The following BEND3 variants were observed in gnomAD, a reference collection of about 807,000 sequenced individuals.
BEND3 encodes the protein BEN domain-containing protein 3.
Under a neutral mutation model 60.1 loss-of-function variants are expected in BEND3, and 13 were observed. That is an observed-to-expected ratio of 0.22 (90% CI 0.14 to 0.34). The LOEUF (loss-of-function observed/expected upper bound fraction) is 0.34. BEND3 is among the 10% of genes least tolerant of loss of function. The pLI, the probability that BEND3 is intolerant of heterozygous loss-of-function variation, is 1.00. For missense variants in BEND3, 896 were observed against 1,138.1 expected (o/e 0.79, Z 3.06); for synonymous variants, 497 against 491.5 (o/e 1.01, Z -0.15).
chr6:107,072,999 A>G (rs782333202), intron 3 of BEND3, among the ~76,000 whole-genome samples: 9 of 151,588 alleles, frequency 5.9e-5, no homozygotes, highest in Non-Finnish European at 1.3e-4. Context: ...ATAATAATTA[A>G]TAAATTACTT....
rs200238095 is a variant in BEND3 at position 107,113,272 on chromosome 6, CTACAAA to C, written c.-12+1812_-12+1817del. Among the ~76,000 whole-genome samples the C allele has an allele frequency of 4.9e-3, 742 of 151,522 alleles. 7 individuals are homozygous for C. Among genetic ancestry groups the C allele is most frequent in the African/African-American group, 0.017 (713 of 41,262 alleles). ...GCAACATGGTGAAACTCCGTCTCTACTACAAATACAAACATTAGCAAGGCATGGTGG... is the reference window on the plus strand; with the variant it reads ...GCAACATGGTGAAACTCCGTCTCTACTACAAACATTAGCAAGGCATGGTGG... On this transcript the variant is annotated intron_variant, in intron 1 of 3. Transcript: ENST00000369042.
chr6:107,099,388 C>A, intron 1 of BEND3, 92 bp from the exon 2 acceptor site: 1 of 1,098,254 alleles, frequency 9.1e-7, no homozygotes. Flanking sequence ...ACCCTCCCAA[C>A]CCCAGCTCTA....
chr6:107,068,932 G>C lies in BEND3; in HGVS notation c.2259C>G (p.Thr753=), dbSNP rs199580122. Residue 753 remains threonine (T), a synonymous_variant, in exon 4 of 4, where the codon ACC becomes ACG. Coordinates refer to ENST00000369042, the MANE Select transcript of BEND3 (RefSeq NM_001367314.1). This position sits in a 1 kb window ranked among gnomAD's most constrained non-coding sequence, Gnocchi z 5.8. ...TGTACTGCAGCCGGAGGTTCTCGGC[G>C]GTGAAGAGTTCGGGAAACAGGCGGA... ...LLVRLFPELF[T]AENLRLQYNH... 1 of 1,613,916 alleles carries C rather than the reference G, an allele frequency of 6.2e-7. No individual in the cohort carries two copies. The highest frequency in any genetic ancestry group is 8.5e-7 in the Non-Finnish European group (1 of 1,180,024).
chr6:107,094,170 G>A (rs185898465), intron 3 of BEND3, among the ~76,000 whole-genome samples: 26 of 152,236 alleles, frequency 1.7e-4, no homozygotes, highest in Non-Finnish European at 2.8e-4. Context: ...CGAGGAGCTC[G>A]AGACCAGCCT....
At chr6:107,093,079 G>C (rs1554235460) in intron 3 of BEND3, among the ~76,000 whole-genome samples, 1 of 152,142 alleles carries the variant, frequency 6.6e-6, no homozygotes, top group African/African-American at 2.4e-5. Flanking sequence ...GATTCAGTAT[G>C]ATCCCAATCA....
chr6:107,107,979 G>A (rs1446158874), intron 1 of BEND3, among the ~76,000 whole-genome samples: 1 of 152,202 alleles, frequency 6.6e-6, no homozygotes, highest in African/African-American at 2.4e-5. Flanking sequence ...CCGGCTGGGA[G>A]CCTCAAGGGT....
At chr6:107,096,115 TA>T (rs1554235894) in intron 3 of BEND3, among the ~76,000 whole-genome samples, 3 of 152,166 alleles carry the variant, frequency 2.0e-5, no homozygotes, top group Non-Finnish European at 1.5e-5. Flanking sequence ...TGGGGGAGGT[TA>T]TAAACATGCA....
chr6:107,102,642 G>C (rs1775725165), intron 1 of BEND3, among the ~76,000 whole-genome samples: 2 of 152,190 alleles, frequency 1.3e-5, no homozygotes, highest in African/African-American at 4.8e-5. Context: ...ACACAGCATG[G>C]TGGGCCCCTT....
In BEND3 at chr6:107,070,337, G is replaced by C; in HGVS notation, c.854C>G (p.Ser285Cys). 2 of 1,612,810 alleles carry C rather than the reference G, an allele frequency of 1.2e-6. No individual in the cohort carries two copies. The highest frequency in any genetic ancestry group is 1.7e-6 in the Non-Finnish European group (2 of 1,179,916). The change falls in exon 4 of 4, where the codon TCC (serine) becomes TGC (cysteine). Residue 285 changes from serine to cysteine, a missense_variant. By Grantham distance (112) the Ser-to-Cys change is moderately radical. Transcript: ENST00000369042. This position sits in a 1 kb window ranked among gnomAD's most constrained non-coding sequence, Gnocchi z 6.9. ...FPELFSDVDF[S>C]RGCSACGFAA... ...AAAGCCACAGGCACTGCAGCCCCGGGAGAAGTCCACGTCGCTGAAGAGCTC... is the reference window on the plus strand; with the variant it reads ...AAAGCCACAGGCACTGCAGCCCCGGCAGAAGTCCACGTCGCTGAAGAGCTC...
intron 3 of BEND3, among the ~76,000 whole-genome samples, chr6:107,074,883 C>T (rs868949177): frequency 2.0e-5 from 3 of 152,002 alleles, no homozygotes; most frequent in Non-Finnish European, 2.9e-5. Flanking sequence ...GAGTGGATCA[C>T]GAGGTCAGGA....
intron 3 of BEND3, among the ~76,000 whole-genome samples, chr6:107,080,266 G>T (rs1204563883): frequency 2.8e-5 from 4 of 144,596 alleles, no homozygotes; most frequent in African/African-American, 5.1e-5. Context: ...GAGGTGAGGG[G>T]ATTGCTTAAG....
chr6:107,083,854 C>T (rs572636865), intron 3 of BEND3, among the ~76,000 whole-genome samples: 35 of 151,924 alleles, frequency 2.3e-4, no homozygotes, highest in African/African-American at 7.5e-4. Flanking sequence ...TCTGGGAGGC[C>T]GAGGTGGGAG....
chr6:107,112,491 G>A (rs1369979691), intron 1 of BEND3, among the ~76,000 whole-genome samples: 4 of 152,092 alleles, frequency 2.6e-5, no homozygotes, highest in Non-Finnish European at 4.4e-5. Context: ...GAAGGTAGGC[G>A]GAATCACATA....
Position 107,069,154 on chromosome 6 carries a change from C to A in BEND3, c.2037G>T (p.Arg679Ser). The A allele has an allele frequency of 6.2e-7, 1 of 1,612,668 alleles. No homozygotes were observed. The highest frequency in any genetic ancestry group is 8.5e-7 in the Non-Finnish European group (1 of 1,180,018). ...GGGGCCCCTCAAACTCCTCCCGGAA[C>A]CTCTCGGGGTTGATTGCATAGCTGG... ...DLTSYAINPERFREEFEGPPL... is the reference protein window; with the variant it reads ...DLTSYAINPESFREEFEGPPL... The change falls in exon 4 of 4, where the codon AGG becomes AGT. Residue 679 changes from arginine to serine, a missense_variant. Coordinates refer to ENST00000369042, the MANE Select transcript of BEND3 (RefSeq NM_001367314.1).
At chr6:107,106,499 CTG>C (rs1460230804) in intron 1 of BEND3, among the ~76,000 whole-genome samples, 1 of 152,186 alleles carries the variant, frequency 6.6e-6, no homozygotes, top group Non-Finnish European at 1.5e-5. Context: ...ATGGGCCAGT[CTG>C]TGACCAAGGC....
chr6:107,070,169 G>C lies in BEND3; in HGVS notation c.1022C>G (p.Ala341Gly). ...CTGGCTGTCCTCCATTTCCCGCTGG[G>C]CCCAGAAGCGGCTGAAGAAGTCGTT... ...QLNDFFSRFW[A>G]QREMEDSQPS... is the part of the protein sequence containing the mutation. The change falls in exon 4 of 4, where the codon GCC (alanine) becomes GGC (glycine). Residue 341 changes from alanine (A) to glycine (G), a missense_variant. Around this residue, in one of 4 missense-constraint regions of BEND3, gnomAD observed 846 missense variants for 1,036.7 expected, o/e 0.82. Transcript: ENST00000369042. The surrounding 1 kb of genome is among the most constrained non-coding windows in gnomAD (Gnocchi z 6.9). The C allele has an allele frequency of 6.2e-7, 1 of 1,612,920 alleles. No homozygotes were observed. Among genetic ancestry groups the C allele is most frequent in the Non-Finnish European group, 8.5e-7 (1 of 1,179,918 alleles).
intron 3 of BEND3, among the ~76,000 whole-genome samples, chr6:107,072,707 G>A (rs1775008763): frequency 1.3e-5 from 2 of 152,198 alleles, no homozygotes; most frequent in South Asian, 2.1e-4. Context: ...ATGAACGGCT[G>A]GGCGTGGTGG....
intron 3 of BEND3, among the ~76,000 whole-genome samples, chr6:107,090,829 G>A (rs1775460404): frequency 6.6e-6 from 1 of 151,996 alleles, no homozygotes; most frequent in African/African-American, 2.4e-5. Context: ...GATAAAATTA[G>A]GCCAGGCGCA....
chr6:107,089,381 G>A (rs1554234809), intron 3 of BEND3, among the ~76,000 whole-genome samples: 2 of 151,658 alleles, frequency 1.3e-5, no homozygotes, highest in Non-Finnish European at 2.9e-5. Flanking sequence ...AGGAAATTGA[G>A]ACCATCCTGG....
Sources: gnomAD v4.1 joint callset for allele counts (sites outside exome capture counted in the v4.1 genomes callset) on GRCh38, gnomAD v4.1.1 for gene constraint, gnomAD v4.1.1 regional missense constraint, Gnocchi (gnomAD v3.1) non-coding constraint, MANE v1.5 for transcripts, NCBI Gene and HGNC (gene_info 2026-07-23, HGNC 2026-07-21) for gene names.